The following B3GAT2 variants were observed in gnomAD, a reference collection of about 807,000 sequenced individuals.
B3GAT2 encodes the protein beta-1,3-glucuronyltransferase 2, also known as galactosylgalactosylxylosylprotein 3-beta-glucuronosyltransferase 2.
A neutral mutation model predicts 27.8 loss-of-function variants in B3GAT2; 26 were observed. The observed-to-expected ratio is 0.93, with a 90% CI of 0.68 to 1.30. B3GAT2 has a LOEUF of 1.30. Ranked by LOEUF, B3GAT2 falls within the 50% of genes most tolerant of loss-of-function variation. B3GAT2 has a pLI of 0.00. For synonymous variants in B3GAT2, 218 were observed against 195.1 expected (o/e 1.12, Z -0.98); for missense variants, 458 against 459.0 (o/e 1.00, Z 0.02).
At chr6:70,946,267 C>A (rs1765481513) in intron 1 of B3GAT2, among the ~76,000 whole-genome samples, 2 of 152,176 alleles carry the variant, frequency 1.3e-5, no homozygotes, top group Admixed American at 1.3e-4. Context: ...AATTAAAAGA[C>A]ACAGACTGAT....
intron 1 of B3GAT2, among the ~76,000 whole-genome samples, chr6:70,939,699 G>A (rs1765356250): frequency 7.0e-6 from 1 of 143,178 alleles, no homozygotes; most frequent in Non-Finnish European, 1.5e-5. Context: ...TGAACAATGA[G>A]AACACAGACA....
At chr6:70,955,596 C>T (rs1187457043) in intron 1 of B3GAT2, among the ~76,000 whole-genome samples, 2 of 152,232 alleles carry the variant, frequency 1.3e-5, no homozygotes, top group East Asian at 1.9e-4. Flanking sequence ...AGAAAAGCCC[C>T]AGGGCAGACT....
Position 70,956,221 on chromosome 6 carries a change from C to G in B3GAT2, c.209G>C (p.Arg70Pro), listed in dbSNP as rs995151563. The change falls in exon 1 of 4, where the codon CGG becomes CCG. Residue 70 changes from arginine (R) to proline (P), a missense_variant. Transcript: ENST00000230053. ...CTGCGGCTCCGGCTGTGGCTGCGGC[C>G]GAGACTGGTTGCGCTTTTGGGTCCC... ...AHGTQKRNQS[R>P]PQPQPEPQLP... 8 of 1,612,492 alleles carry G rather than the reference C, an allele frequency of 5.0e-6. No individual in the cohort carries two copies. Among genetic ancestry groups the G allele is most frequent in the Non-Finnish European group, 6.8e-6 (8 of 1,179,236 alleles).
At chr6:70,944,954 G>T (rs1436687448) in intron 1 of B3GAT2, among the ~76,000 whole-genome samples, 3 of 152,188 alleles carry the variant, frequency 2.0e-5, no homozygotes, top group African/African-American at 7.2e-5. Flanking sequence ...CTGATAACCA[G>T]GCAAACAGGG....
At chr6:70,918,759 G>T (rs1261851956) in intron 1 of B3GAT2, among the ~76,000 whole-genome samples, 1 of 152,210 alleles carries the variant, frequency 6.6e-6, no homozygotes. Context: ...TCTGCTGAGA[G>T]ATCTGCTGTT....
chr6:70,859,563 TC>T lies in B3GAT2; in HGVS notation c.*2099del. ...CTCTGAGTGTAAGTTTTAAACCCAC[TC>T]ACTATATGGTAAATCTTGCCTTTCC... is the stretch of plus-strand genomic sequence containing the variant. On this transcript the variant is annotated 3_prime_UTR_variant, in exon 4 of 4. Coordinates refer to ENST00000230053, the MANE Select transcript of B3GAT2 (RefSeq NM_080742.3). 1.9e-6 allele frequency: 1 copy of T among 524,732 alleles called. No homozygotes were observed. The highest frequency in any genetic ancestry group is 3.3e-6 in the Non-Finnish European group (1 of 305,742). The allele number at this position is 524,732 out of a possible 1,614,324, so 32.5% of individuals were successfully genotyped here. A position where few individuals can be genotyped will look rare whatever the true frequency, so the allele number is the denominator to read the frequency against.
chr6:70,953,166 A>G (rs528538675), intron 1 of B3GAT2, among the ~76,000 whole-genome samples: 1 of 152,364 alleles, frequency 6.6e-6, no homozygotes, highest in African/African-American at 2.4e-5. Context: ...TAAAGGGCTG[A>G]GATATATGCC....
chr6:70,861,782 C>A (rs1263338160), intron 3 of B3GAT2, 33 bp from the exon 4 acceptor site: 1 of 1,614,028 alleles, frequency 6.2e-7, no homozygotes, highest in Non-Finnish European at 8.5e-7. Context: ...GGGTAGCGCA[C>A]TCTTCATGGT....
intron 1 of B3GAT2, among the ~76,000 whole-genome samples, chr6:70,895,039 A>G (rs925885659): frequency 6.6e-6 from 1 of 152,212 alleles, no homozygotes; most frequent in South Asian, 2.1e-4. Context: ...TCCAGGGCTC[A>G]TGCTGAACAG....
rs751495356 is a variant in B3GAT2, at chr6:70,956,097, C to G, written c.333G>C (p.Leu111=). ...LANTFRQVAQ[L]HWILVEDAAA... ...CCGCGTCCTCCACCAGGATCCAGTG[C>G]AGCTGCGCCACCTGGCGGAACGTGT... Residue 111 remains leucine, a synonymous_variant, in exon 1 of 4, where the codon CTG becomes CTC. Coordinates refer to ENST00000230053, the MANE Select transcript of B3GAT2 (RefSeq NM_080742.3). 6.2e-7 allele frequency: 1 copy of G among 1,600,652 alleles called. No individual in the cohort carries two copies. Among genetic ancestry groups the G allele is most frequent in the Non-Finnish European group, 8.5e-7 (1 of 1,175,304 alleles).
chr6:70,936,537 A>G (rs1057206363), intron 1 of B3GAT2, among the ~76,000 whole-genome samples: 5 of 152,144 alleles, frequency 3.3e-5, no homozygotes, highest in Non-Finnish European at 7.3e-5. Flanking sequence ...AAAGAACAGA[A>G]ATTATAACAA....
At chr6:70,912,713 CCTT>C (rs111716246) in intron 1 of B3GAT2, among the ~76,000 whole-genome samples, 2 of 152,016 alleles carry the variant, frequency 1.3e-5, no homozygotes, top group African/African-American at 4.8e-5. Flanking sequence ...GGTCCCTCCT[CCTT>C]AATTTTTTGG....
intron 1 of B3GAT2, 49 bp from the exon 2 acceptor site, chr6:70,894,321 G>A (rs1274029879): frequency 6.6e-7 from 1 of 1,518,736 alleles, no homozygotes; most frequent in East Asian, 2.3e-5. Flanking sequence ...AGGAAAAAGA[G>A]GGAGGAAATG....
intron 2 of B3GAT2, among the ~76,000 whole-genome samples, chr6:70,878,331 T>G (rs527624732): frequency 1.3e-5 from 2 of 152,352 alleles, no homozygotes; most frequent in East Asian, 3.9e-4. Context: ...TTTGGACTCA[T>G]TGATAACTCA....
chr6:70,894,380 A>T (rs1302869276), intron 1 of B3GAT2, 108 bp from the exon 2 acceptor site: 10 of 1,255,942 alleles, frequency 8.0e-6, no homozygotes, highest in Non-Finnish European at 1.1e-5. Flanking sequence ...GTAAGATTTC[A>T]AAAGCTGAAG....
At chr6:70,946,845 A>C (rs1482725116) in intron 1 of B3GAT2, among the ~76,000 whole-genome samples, 1 of 150,954 alleles carries the variant, frequency 6.6e-6, no homozygotes, top group Non-Finnish European at 1.5e-5. Flanking sequence ...AGCTCTCCTC[A>C]GCAAATGCAA....
intron 2 of B3GAT2, among the ~76,000 whole-genome samples, chr6:70,880,738 T>C (rs945965301): frequency 1.3e-5 from 2 of 151,848 alleles, no homozygotes; most frequent in Non-Finnish European, 2.9e-5. Context: ...TGATCTCAGC[T>C]CACTGTAACC....
intron 2 of B3GAT2, among the ~76,000 whole-genome samples, chr6:70,875,546 T>C (rs1301973615): frequency 1.3e-5 from 2 of 152,238 alleles, no homozygotes; most frequent in African/African-American, 2.4e-5. Context: ...ACAGCCATGA[T>C]AGATTTTCTT....
chr6:70,859,570 A>G lies in B3GAT2; in HGVS notation c.*2093T>C. The G allele has an allele frequency of 2.1e-6, 1 of 477,266 alleles. No individual in the cohort carries two copies. The highest frequency in any genetic ancestry group is 3.6e-6 in the Non-Finnish European group (1 of 277,176). The allele number at this position is 477,266 out of a possible 1,614,324, so 29.6% of individuals were successfully genotyped here. ...TGTAAGTTTTAAACCCACTCACTAT[A>G]TGGTAAATCTTGCCTTTCCTTCTCT... On this transcript the variant is annotated 3_prime_UTR_variant, in exon 4 of 4. Coordinates refer to ENST00000230053, the MANE Select transcript of B3GAT2 (RefSeq NM_080742.3).
Sources: gnomAD v4.1 joint callset for allele counts (sites outside exome capture counted in the v4.1 genomes callset) on GRCh38, gnomAD v4.1.1 for gene constraint, MANE v1.5 for transcripts, NCBI Gene and HGNC (gene_info 2026-07-23, HGNC 2026-07-21) for gene names.